The following SEL1L3 variants were observed in gnomAD, a reference collection of about 807,000 sequenced individuals.
SEL1L3 encodes protein sel-1 homolog 3.
In SEL1L3, 76 loss-of-function variants were observed where a neutral mutation model predicts 142.8. The ratio of observed to expected loss-of-function variants is 0.53; its 90% CI spans 0.44 to 0.64. SEL1L3 has a LOEUF of 0.64. Ranked by LOEUF, SEL1L3 falls within the 30% of genes least tolerant of loss-of-function variation. The probability of loss-of-function intolerance (pLI) is 0.00; values close to 1 mark genes in which losing one functional copy is unlikely to be tolerated. For synonymous variants in SEL1L3, 504 were observed against 519.6 expected (o/e 0.97, Z 0.41); for missense variants, 1,262 against 1,381.7 (o/e 0.91, Z 1.37).
At chr4:25,779,305 T>A in intron 15 of SEL1L3, 102 bp from the exon 16 acceptor site, 14 of 1,259,084 alleles carry the variant, frequency 1.1e-5, no homozygotes, top group South Asian at 1.6e-5. Context: ...TACAGGCTTA[T>A]AACTTCTGAT....
At chr4:25,745,574 T>C (rs962178393), downstream of SEL1L3, among the ~76,000 whole-genome samples, 1 of 152,146 alleles carries the variant, frequency 6.6e-6, no homozygotes, top group Non-Finnish European at 1.5e-5. Context: ...GAAGGGAGTG[T>C]GATTTTGCTC....
intron 11 of SEL1L3, among the ~76,000 whole-genome samples, chr4:25,801,221 G>A (rs1450759809): frequency 2.0e-5 from 3 of 152,184 alleles, no homozygotes; most frequent in Non-Finnish European, 4.4e-5. Flanking sequence ...TGGCCAACAT[G>A]GCGAAACCCT....
chr4:25,843,061 A>C (rs760909748), intron 2 of SEL1L3, among the ~76,000 whole-genome samples: 2 of 152,150 alleles, frequency 1.3e-5, no homozygotes, highest in Non-Finnish European at 2.9e-5. Flanking sequence ...CAAAGTGAGA[A>C]TGAACTTGGT....
intron 2 of SEL1L3, 96 bp from the exon 3 acceptor site, chr4:25,835,419 A>T: frequency 7.2e-7 from 1 of 1,390,552 alleles, no homozygotes; most frequent in South Asian, 1.3e-5. Flanking sequence ...AGCTCCAATC[A>T]AACATTTAAG....
the SEL1L3 span, among the ~76,000 whole-genome samples, chr4:25,730,090 T>A: frequency 6.6e-6 from 1 of 151,812 alleles, no homozygotes; most frequent in East Asian, 2.0e-4. Context: ...CCCGCCACCA[T>A]GCCTGGCTAA....
intron 5 of SEL1L3, 24 bp downstream of exon 5, chr4:25,832,971 G>T: frequency 7.6e-7 from 1 of 1,323,276 alleles, no homozygotes; most frequent in South Asian, 1.2e-5. Context: ...CGTATGTCGT[G>T]TGATGAAGCG....
chr4:25,754,377 C>T (rs1248168149), intron 23 of SEL1L3, among the ~76,000 whole-genome samples: 1 of 148,676 alleles, frequency 6.7e-6, no homozygotes, highest in Non-Finnish European at 1.5e-5. Flanking sequence ...GACACAGGGT[C>T]TCACTCTGTT....
chr4:25,721,924 G>A, the SEL1L3 span, among the ~76,000 whole-genome samples: 1 of 152,210 alleles, frequency 6.6e-6, no homozygotes, highest in Non-Finnish European at 1.5e-5. Flanking sequence ...TTTTTGCCAT[G>A]AGATTGCTGG....
In SEL1L3 at chr4:25,758,939, A is replaced by C; in HGVS notation, c.3083+2T>G. ...CCACAGTTCTAGAGGCTCTGAGCTC[A>C]CCTTTCGTACAGTTCCTGGAGAATG... On this transcript the variant is annotated splice_donor_variant, in intron 21 of 23. Transcript: ENST00000399878. LOFTEE classifies it high-confidence loss of function. 6.2e-7 allele frequency: 1 copy of C among 1,612,326 alleles called. No homozygotes were observed. The highest frequency in any genetic ancestry group is 8.5e-7 in the Non-Finnish European group (1 of 1,179,386).
At chr4:25,787,640 C>T (rs540715228) in intron 13 of SEL1L3, among the ~76,000 whole-genome samples, 12 of 152,258 alleles carry the variant, frequency 7.9e-5, no homozygotes, top group African/African-American at 2.2e-4. Flanking sequence ...GTATAAAGAA[C>T]ACGGCATTTT....
intron 1 of SEL1L3, among the ~76,000 whole-genome samples, chr4:25,857,583 C>T (rs1406521733): frequency 1.3e-5 from 2 of 152,196 alleles, no homozygotes; most frequent in African/African-American, 4.8e-5. Flanking sequence ...GAGACAGCAT[C>T]CCACTGTTAC....
At position 25,748,297 on chromosome 4, in the gene SEL1L3, A is replaced by T; in HGVS notation, c.*128T>A. The T allele has an allele frequency of 1.0e-6, 1 of 974,882 alleles. No individual in the cohort carries two copies. The highest frequency in any genetic ancestry group is 1.5e-6 in the Non-Finnish European group (1 of 671,670). The allele number at this position is 974,882 out of a possible 1,614,324, so 60.4% of individuals were successfully genotyped here. A position where few individuals can be genotyped will look rare whatever the true frequency, so the allele number is the denominator to read the frequency against. Reference sequence around the variant, plus strand: ...TTTGACTTTAAAAAAAATGACACCAATTGCAAAATTTGCATCCAGTTGACA... The same window carrying T: ...TTTGACTTTAAAAAAAATGACACCATTTGCAAAATTTGCATCCAGTTGACA... On this transcript the variant is annotated 3_prime_UTR_variant, in exon 24 of 24. Transcript: ENST00000399878.
At chr4:25,751,529 C>T (rs1717587455) in intron 23 of SEL1L3, among the ~76,000 whole-genome samples, 1 of 151,938 alleles carries the variant, frequency 6.6e-6, no homozygotes, top group African/African-American at 2.4e-5. Context: ...ACCCAGGGAC[C>T]TTTCCACCAC....
chr4:25,777,174 C>T (rs1221403906), intron 16 of SEL1L3, among the ~76,000 whole-genome samples: 1 of 151,964 alleles, frequency 6.6e-6, no homozygotes, highest in African/African-American at 2.4e-5. Context: ...CAAACTCTAA[C>T]ATTAAAATCA....
chr4:25,728,860 C>CAAAAA, the SEL1L3 span, among the ~76,000 whole-genome samples: 8 of 95,116 alleles, frequency 8.4e-5, no homozygotes, highest in Non-Finnish European at 1.2e-4. Flanking sequence ...AGACTTGTGT[C>CAAAAA]AAAAAAAAAA....
At chr4:25,746,050 T>A (rs922472401), downstream of SEL1L3, among the ~76,000 whole-genome samples, 1 of 152,266 alleles carries the variant, frequency 6.6e-6, no homozygotes, top group South Asian at 2.1e-4. Flanking sequence ...AGTGTTGAAA[T>A]GTAATCCCCC....
At chr4:25,792,084 A>G (rs1712376592) in intron 11 of SEL1L3, among the ~76,000 whole-genome samples, 1 of 152,176 alleles carries the variant, frequency 6.6e-6, no homozygotes, top group Non-Finnish European at 1.5e-5. Flanking sequence ...GCCAGCAGCC[A>G]TTCCTGCTGG....
intron 1 of SEL1L3, among the ~76,000 whole-genome samples, chr4:25,851,394 C>T (rs1716882866): frequency 6.6e-6 from 1 of 152,110 alleles, no homozygotes; most frequent in Non-Finnish European, 1.5e-5. Context: ...ATTAAATACA[C>T]ACTCACACCA....
chr4:25,767,812 A>G lies in SEL1L3; in HGVS notation c.2688T>C (p.Tyr896=). Residue 896 remains tyrosine, a synonymous_variant, in exon 18 of 24, where the codon TAT becomes TAC. Transcript: ENST00000399878. Reference sequence around the variant, plus strand: ...TTCCAGTTTCTGCTGCTAAAACATAATACAGCAAAGCTTCATGCCTAAAAA... The same window carrying G: ...TTCCAGTTTCTGCTGCTAAAACATAGTACAGCAAAGCTTCATGCCTAAAAA... ...LEGSWHEALL[Y]YVLAAETGIE... 1 of 1,566,938 alleles carries G rather than the reference A, an allele frequency of 6.4e-7. No individual in the cohort carries two copies. The highest frequency in any genetic ancestry group is 8.7e-7 in the Non-Finnish European group (1 of 1,153,234).
Sources: gnomAD v4.1 joint callset for allele counts (sites outside exome capture counted in the v4.1 genomes callset) on GRCh38, gnomAD v4.1.1 for gene constraint, MANE v1.5 for transcripts, NCBI Gene and HGNC (gene_info 2026-07-23, HGNC 2026-07-21) for gene names.